The following INPP4B variants were observed in gnomAD, a reference collection of about 807,000 sequenced individuals.
INPP4B encodes inositol polyphosphate-4-phosphatase type II B, also known as inositol polyphosphate 4-phosphatase type II.
Under a neutral mutation model 122.5 loss-of-function variants are expected in INPP4B, and 55 were observed. The ratio of observed to expected loss-of-function variants is 0.45; its 90% CI spans 0.36 to 0.56. The LOEUF (loss-of-function observed/expected upper bound fraction) is 0.56, where lower values mean the gene tolerates loss of function less well. INPP4B is among the 20% of genes least tolerant of loss of function. INPP4B has a pLI of 0.00. For synonymous variants in INPP4B, 403 were observed against 388.7 expected (o/e 1.04, Z -0.43); for missense variants, 1,000 against 1,097.7 (o/e 0.91, Z 1.26).
At chr4:142,235,648 A>G (rs1856394882) in intron 12 of INPP4B, among the ~76,000 whole-genome samples, 1 of 152,136 alleles carries the variant, frequency 6.6e-6, no homozygotes, top group Admixed American at 6.5e-5. Flanking sequence ...GATGGTCTCG[A>G]TCTCCTGACC....
At chr4:142,114,208 T>A (rs1297233483) in intron 21 of INPP4B, among the ~76,000 whole-genome samples, 1 of 152,082 alleles carries the variant, frequency 6.6e-6, no homozygotes, top group Non-Finnish European at 1.5e-5. Flanking sequence ...AACACGTTTA[T>A]CAGTTGATAG....
At chr4:142,776,308 C>T (rs528647300) in intron 1 of INPP4B, among the ~76,000 whole-genome samples, 1 of 152,202 alleles carries the variant, frequency 6.6e-6, no homozygotes, top group South Asian at 2.1e-4. Context: ...CACTAATGTG[C>T]TTATAATTAC....
intron 12 of INPP4B, among the ~76,000 whole-genome samples, chr4:142,225,285 G>A (rs907970590): frequency 6.6e-6 from 1 of 152,050 alleles, no homozygotes; most frequent in Non-Finnish European, 1.5e-5. Context: ...GGTCTGCCAG[G>A]GGCTCTCTGG....
intron 7 of INPP4B, among the ~76,000 whole-genome samples, chr4:142,394,587 T>G (rs911231695): frequency 4.6e-5 from 7 of 152,250 alleles, no homozygotes; most frequent in Non-Finnish European, 1.0e-4. Context: ...GAGCATTTTT[T>G]TAATATACCT....
chr4:142,064,103 T>C (rs1762340664), intron 25 of INPP4B, among the ~76,000 whole-genome samples: 1 of 152,214 alleles, frequency 6.6e-6, no homozygotes, highest in African/African-American at 2.4e-5. Flanking sequence ...AATTTCTGTG[T>C]ACTATAATAA....
chr4:142,836,719 TACAC>T (rs138777384), intron 1 of INPP4B, among the ~76,000 whole-genome samples: 4 of 146,508 alleles, frequency 2.7e-5, no homozygotes, highest in South Asian at 4.4e-4. Flanking sequence ...AAGTACTGTC[TACAC>T]ACACACACAC....
At chr4:142,362,246 G>A (rs567799949) in intron 7 of INPP4B, among the ~76,000 whole-genome samples, 6 of 152,096 alleles carry the variant, frequency 3.9e-5, no homozygotes, top group African/African-American at 1.4e-4. Flanking sequence ...TGAAGAACAG[G>A]GAGTAGGTGC....
At chr4:142,268,107 A>T (rs1246281764) in intron 10 of INPP4B, among the ~76,000 whole-genome samples, 1 of 151,578 alleles carries the variant, frequency 6.6e-6, no homozygotes, top group Non-Finnish European at 1.5e-5. Context: ...GCAGATCACG[A>T]AATCAGGAGA....
chr4:142,080,950 T>A (rs556965223), intron 25 of INPP4B, among the ~76,000 whole-genome samples: 27 of 152,308 alleles, frequency 1.8e-4, no homozygotes, highest in Admixed American at 4.6e-4. Context: ...ATGTTGTATA[T>A]GGCTGAGATG....
At chr4:142,695,699 T>C (rs1207895790) in intron 2 of INPP4B, among the ~76,000 whole-genome samples, 1 of 152,150 alleles carries the variant, frequency 6.6e-6, no homozygotes, top group Non-Finnish European at 1.5e-5. Flanking sequence ...AACTGTGCAA[T>C]AGAATTTAAA....
At chr4:142,461,815 A>C (rs1021246723) in intron 3 of INPP4B, among the ~76,000 whole-genome samples, 4 of 152,088 alleles carry the variant, frequency 2.6e-5, no homozygotes, top group Non-Finnish European at 5.9e-5. Context: ...AAACACACAC[A>C]CACACACACG....
At chr4:142,211,732 G>T (rs1021548186) in intron 12 of INPP4B, among the ~76,000 whole-genome samples, 1 of 152,188 alleles carries the variant, frequency 6.6e-6, no homozygotes, top group Non-Finnish European at 1.5e-5. Flanking sequence ...CATCGATAAA[G>T]AGTCATCCTA....
At chr4:142,127,606 C>T (rs1205879247) in intron 18 of INPP4B, among the ~76,000 whole-genome samples, 1 of 152,114 alleles carries the variant, frequency 6.6e-6, no homozygotes, top group African/African-American at 2.4e-5. Context: ...TCCAGTGTCT[C>T]TATTTTGCAT....
chr4:142,332,824 G>A (rs1775075603), intron 7 of INPP4B, among the ~76,000 whole-genome samples: 1 of 148,782 alleles, frequency 6.7e-6, no homozygotes, highest in Non-Finnish European at 1.5e-5. Context: ...CTAACAAGGC[G>A]AAATCCCGTC....
rs3775682 is a variant in INPP4B at position 142,293,581 on chromosome 4, G to A, written c.503+11877C>T. 7.5e-4 allele frequency among the ~76,000 whole-genome samples: 114 copies of A among 152,102 alleles called. 3 individuals carry two copies. The East Asian group carries it at 0.022, about 29-fold the overall frequency. ...CTGTCTTGTCTATTATTTTTCATGA[G>A]TTTTCTACGTTTCCCTATCTTCCAT... On this transcript the variant is annotated intron_variant, in intron 9 of 25. Transcript: ENST00000262992.
At chr4:142,283,007 A>G (rs775252765) in intron 9 of INPP4B, among the ~76,000 whole-genome samples, 1 of 152,236 alleles carries the variant, frequency 6.6e-6, no homozygotes, top group African/African-American at 2.4e-5. Flanking sequence ...TGAACTGACA[A>G]GTTTTAGACA....
At chr4:142,809,813 G>C (rs1197459994) in intron 1 of INPP4B, among the ~76,000 whole-genome samples, 2 of 151,730 alleles carry the variant, frequency 1.3e-5, no homozygotes, top group Non-Finnish European at 2.9e-5. Flanking sequence ...TCTGGAAAAG[G>C]TTTGACTTTT....
intron 7 of INPP4B, among the ~76,000 whole-genome samples, chr4:142,349,446 C>T (rs2151791058): frequency 6.6e-6 from 1 of 152,056 alleles, no homozygotes; most frequent in East Asian, 1.9e-4. Flanking sequence ...CTAAGTGGTC[C>T]TCTAAGAGAA....
At chr4:142,325,308 T>C (rs767829451) in intron 7 of INPP4B, among the ~76,000 whole-genome samples, 3 of 151,828 alleles carry the variant, frequency 2.0e-5, no homozygotes, top group East Asian at 3.9e-4. Context: ...TATGGTTATA[T>C]GTAACTGGAG....
Sources: allele counts gnomAD v4.1 joint callset (sites outside exome capture counted in the v4.1 genomes callset), GRCh38; gene constraint gnomAD v4.1.1; transcripts MANE v1.5; gene names NCBI Gene and HGNC (gene_info 2026-07-23, HGNC 2026-07-21).